Variants in SDCCAG8 observed in about 807,000 individuals in gnomAD.
SDCCAG8 encodes SHH signaling and ciliogenesis regulator SDCCAG8.
In SDCCAG8, 74 loss-of-function variants were observed where a neutral mutation model predicts 101.8. The observed-to-expected ratio is 0.73, with a 90% confidence interval of 0.60 to 0.88. SDCCAG8 has a LOEUF of 0.88. SDCCAG8 is among the 40% of genes least tolerant of loss of function. The probability of loss-of-function intolerance (pLI) is 0.00; values close to 1 mark genes in which losing one functional copy is unlikely to be tolerated. For synonymous variants in SDCCAG8, 281 were observed against 292.9 expected (o/e 0.96, Z 0.41); for missense variants, 787 against 822.6 (o/e 0.96, Z 0.53).
intron 8 of SDCCAG8, among the ~76,000 whole-genome samples, chr1:243,312,706 C>CAAA (rs34803859): frequency 2.0e-5 from 2 of 99,192 alleles, no homozygotes; most frequent in African/African-American, 3.6e-5. Context: ...AACCTGTCTC[C>CAAA]AAAAAAAAAA....
intron 1 of SDCCAG8, among the ~76,000 whole-genome samples, chr1:243,269,406 G>C (rs918469065): frequency 6.6e-6 from 1 of 150,940 alleles, no homozygotes; most frequent in East Asian, 2.0e-4. Flanking sequence ...TATTTTTAGA[G>C]ATGAACTATC....
At chr1:243,498,960 A>AG (rs1345412743) in intron 17 of SDCCAG8, among the ~76,000 whole-genome samples, 2 of 152,260 alleles carry the variant, frequency 1.3e-5, no homozygotes, top group African/African-American at 4.8e-5. Context: ...CTAGAGGGCG[A>AG]GGACTGTGGC....
intron 12 of SDCCAG8, among the ~76,000 whole-genome samples, chr1:243,366,779 G>C (rs2077010658): frequency 6.6e-6 from 1 of 151,956 alleles, no homozygotes; most frequent in Non-Finnish European, 1.5e-5. Context: ...AGAAAGTGAA[G>C]AGTGAAATAG....
At position 243,327,319 on chromosome 1, in the gene SDCCAG8, TTAAAATTATAA is replaced by T. The variant is rs1378115844; in HGVS notation, c.1069-3219_1069-3209del. On this transcript the variant is annotated intron_variant, in intron 9 of 17. Transcript: ENST00000366541. ...ATTATAATTTATAATTTTATAGAAA[TTAAAATTATAA>T]TTATAATTTTATAGAAATTAAAATT... Among the ~76,000 whole-genome samples the T allele has an allele frequency of 1.4e-3, 204 of 144,878 alleles. 1 individual carries two copies. Among genetic ancestry groups the T allele is most frequent in the African/African-American group, 5.0e-3 (194 of 39,070 alleles).
rs113655767 is a variant in SDCCAG8, at chr1:243,339,918, T to C, written c.1222-1121T>C. ...AAAATTGATAGGTATTCCTATATGT[T>C]CTGCTGCTTCTACATTTTAAAAACT... On this transcript the variant is annotated intron_variant, in intron 10 of 17. Transcript: ENST00000366541. Among the ~76,000 whole-genome samples, 1,414 of 152,350 alleles carry C rather than the reference T, an allele frequency of 9.3e-3. 19 individuals are homozygous for C. The highest frequency in any genetic ancestry group is 0.03 in the African/African-American group (1,237 of 41,580).
intron 13 of SDCCAG8, among the ~76,000 whole-genome samples, chr1:243,399,652 G>A (rs1464387065): frequency 2.0e-5 from 3 of 152,062 alleles, no homozygotes; most frequent in Non-Finnish European, 2.9e-5. Flanking sequence ...GATTACAGGC[G>A]TGCACCATCA....
Position 243,428,507 on chromosome 1 carries a change from T to C in SDCCAG8, c.1985+1949T>C, listed in dbSNP as rs116971779. 3.7e-4 allele frequency among the ~76,000 whole-genome samples: 57 copies of C among 152,308 alleles called. No individual in the cohort carries two copies. In the East Asian group the frequency reaches 0.01, roughly 28 times the overall value. On this transcript the variant is annotated intron_variant, in intron 16 of 17. Coordinates refer to ENST00000366541, the MANE Select transcript of SDCCAG8 (RefSeq NM_006642.5). ...ACACAGATTCTTCTCAATAAATTTATTGGAAAATTTTTTGGAGATTTGCAA... is the reference window on the plus strand; with the variant it reads ...ACACAGATTCTTCTCAATAAATTTACTGGAAAATTTTTTGGAGATTTGCAA...
At chr1:243,392,205 TA>T (rs1419145040) in intron 13 of SDCCAG8, among the ~76,000 whole-genome samples, 1 of 152,204 alleles carries the variant, frequency 6.6e-6, no homozygotes, top group African/African-American at 2.4e-5. Context: ...TGAGTTCAGG[TA>T]AAATAAATTA....
intron 13 of SDCCAG8, among the ~76,000 whole-genome samples, chr1:243,397,011 A>C (rs2147960007): frequency 6.6e-6 from 1 of 152,336 alleles, no homozygotes; most frequent in East Asian, 1.9e-4. Flanking sequence ...AATGACAGAA[A>C]GGTTGCGAGT....
intron 6 of SDCCAG8, among the ~76,000 whole-genome samples, chr1:243,303,562 C>A (rs557790807): frequency 1.3e-5 from 2 of 152,076 alleles, no homozygotes; most frequent in African/African-American, 4.8e-5. Context: ...AGGGTGAAGG[C>A]CTTTATGAGG....
chr1:243,295,985 T>C (rs2070832142), intron 6 of SDCCAG8, among the ~76,000 whole-genome samples: 1 of 152,044 alleles, frequency 6.6e-6, no homozygotes, highest in South Asian at 2.1e-4. Flanking sequence ...CTATCAATGG[T>C]TTATTCTTTT....
At chr1:243,467,453 T>A (rs1396231833) in intron 16 of SDCCAG8, among the ~76,000 whole-genome samples, 1 of 152,212 alleles carries the variant, frequency 6.6e-6, no homozygotes, top group African/African-American at 2.4e-5. Context: ...TTTTCTTCTA[T>A]CATCAGATAC....
At chr1:243,350,019 A>G (rs1169405008) in intron 12 of SDCCAG8, among the ~76,000 whole-genome samples, 7 of 152,160 alleles carry the variant, frequency 4.6e-5, no homozygotes, top group Admixed American at 3.3e-4. Flanking sequence ...AAAGGATTTG[A>G]GGGTTGCTCA....
intron 3 of SDCCAG8, 127 bp downstream of exon 3, chr1:243,271,190 T>A: frequency 1.5e-6 from 1 of 683,914 alleles, no homozygotes; most frequent in Non-Finnish European, 2.7e-6. Context: ...TAAAAGTAAT[T>A]CTCTTCCCTC....
rs374756226 is a variant in SDCCAG8, at chr1:243,479,080, G to T, written c.1986-9934G>T. 7.9e-5 allele frequency among the ~76,000 whole-genome samples: 12 copies of T among 152,310 alleles called. No individual in the cohort carries two copies. In the East Asian group the frequency reaches 9.6e-4, roughly 12 times the overall value. On this transcript the variant is annotated intron_variant, in intron 16 of 17. Coordinates refer to ENST00000366541, the MANE Select transcript of SDCCAG8 (RefSeq NM_006642.5). ...CTGATAGGACCTCGTTCACGAGATG[G>T]AATTATGTAAAATGCCGCAGCAATG... is the stretch of plus-strand genomic sequence containing the variant.
At chr1:243,475,672 A>G (rs1662264385) in intron 16 of SDCCAG8, among the ~76,000 whole-genome samples, 1 of 152,284 alleles carries the variant, frequency 6.6e-6, no homozygotes, top group Middle Eastern at 3.4e-3. Context: ...TGGAACACCT[A>G]AAAGTTGATT....
At chr1:243,457,713 C>T (rs1658097238) in intron 16 of SDCCAG8, among the ~76,000 whole-genome samples, 2 of 152,142 alleles carry the variant, frequency 1.3e-5, no homozygotes, top group Non-Finnish European at 2.9e-5. Context: ...TTAAGTCGCT[C>T]AAAATTCATT....
intron 16 of SDCCAG8, among the ~76,000 whole-genome samples, chr1:243,447,248 C>CAAAAAA (rs397830130): frequency 1.2e-4 from 5 of 41,384 alleles, no homozygotes; most frequent in South Asian, 2.0e-3. Flanking sequence ...GACTTCGTCT[C>CAAAAAA]AAAAAAAAAA....
intron 16 of SDCCAG8, among the ~76,000 whole-genome samples, chr1:243,487,436 C>T (rs1665199544): frequency 6.6e-6 from 1 of 152,214 alleles, no homozygotes; most frequent in Non-Finnish European, 1.5e-5. Context: ...ACCTACTTTT[C>T]CTCCAAGATC....
Sources: allele counts gnomAD v4.1 joint callset (sites outside exome capture counted in the v4.1 genomes callset), GRCh38; gene constraint gnomAD v4.1.1; transcripts MANE v1.5; gene names NCBI Gene and HGNC (gene_info 2026-07-23, HGNC 2026-07-21).